Variants in ADAM12 observed in about 807,000 individuals in gnomAD.
The protein encoded by ADAM12 is ADAM metallopeptidase domain 12.
Under a neutral mutation model 106.4 loss-of-function variants are expected in ADAM12, and 70 were observed. That is an observed-to-expected ratio of 0.66 (90% CI 0.54 to 0.80). The LOEUF (loss-of-function observed/expected upper bound fraction) is 0.80. ADAM12 is among the 30% of genes least tolerant of loss of function. The pLI is 0.00. For synonymous variants in ADAM12, 420 were observed against 433.5 expected (o/e 0.97, Z 0.39); for missense variants, 1,010 against 1,171.9 (o/e 0.86, Z 2.02).
At chr10:126,114,503 G>A (rs747547218) in intron 6 of ADAM12, among the ~76,000 whole-genome samples, 19 of 152,124 alleles carry the variant, frequency 1.2e-4, no homozygotes, top group Admixed American at 8.5e-4. Context: ...GTTTTGAGAC[G>A]AGTTTCACTC....
At chr10:126,379,547 G>A (rs1243397685) in intron 1 of ADAM12, among the ~76,000 whole-genome samples, 2 of 152,142 alleles carry the variant, frequency 1.3e-5, no homozygotes, top group Middle Eastern at 3.4e-3. Context: ...CTGTCAGGGG[G>A]ATGGGGAGCT....
chr10:126,368,606 A>G (rs1263292982), intron 1 of ADAM12, among the ~76,000 whole-genome samples: 1 of 152,036 alleles, frequency 6.6e-6, no homozygotes, highest in Non-Finnish European at 1.5e-5. Context: ...GCATAAAACA[A>G]AGTAAAACTT....
chr10:126,168,090 T>C (rs1565110531), intron 3 of ADAM12, among the ~76,000 whole-genome samples: 1 of 152,206 alleles, frequency 6.6e-6, no homozygotes, highest in East Asian at 1.9e-4. Flanking sequence ...ACCTAACTGA[T>C]TAACTGAACC....
At chr10:126,114,487 T>C (rs1169032448) in intron 6 of ADAM12, among the ~76,000 whole-genome samples, 2 of 152,140 alleles carry the variant, frequency 1.3e-5, no homozygotes, top group Non-Finnish European at 2.9e-5. Context: ...TTTTGTTTTG[T>C]TTTTTGTTTT....
intron 2 of ADAM12, 103 bp from the exon 3 acceptor site, chr10:126,279,091 C>T (rs17154652): frequency 0.25 from 204,977 of 824,736 alleles, 26,934 homozygotes; most frequent in South Asian, 0.32. Context: ...ATAAACGATG[C>T]GGTCAACCTA....
At chr10:126,158,053 G>T (rs1956851414) in intron 3 of ADAM12, among the ~76,000 whole-genome samples, 1 of 152,214 alleles carries the variant, frequency 6.6e-6, no homozygotes, top group South Asian at 2.1e-4. Flanking sequence ...ATGTTCCACA[G>T]CACAGTTCCA....
intron 5 of ADAM12, among the ~76,000 whole-genome samples, chr10:126,120,934 A>ATATATTACATATGTAATATAATATATAT (rs747935377): frequency 0.014 from 1,918 of 137,294 alleles, 36 homozygotes; most frequent in African/African-American, 0.036. Flanking sequence ...ATTATATATT[A>ATATATTACATATGTAATATAATATATAT]TATATTACAT....
chr10:126,299,954 T>A (rs1470252782), intron 2 of ADAM12, among the ~76,000 whole-genome samples: 1 of 152,188 alleles, frequency 6.6e-6, no homozygotes, highest in Non-Finnish European at 1.5e-5. Flanking sequence ...CCACTCAACT[T>A]TTTTTCTCTG....
At chr10:126,158,246 C>T (rs180677924) in intron 3 of ADAM12, among the ~76,000 whole-genome samples, 19 of 97,610 alleles carry the variant, frequency 1.9e-4, no homozygotes, top group Admixed American at 4.1e-4. Context: ...GCACACAGCA[C>T]GGGAGAAAGC....
intron 1 of ADAM12, among the ~76,000 whole-genome samples, chr10:126,364,540 TC>T (rs1205566930): frequency 6.6e-6 from 1 of 152,032 alleles, no homozygotes; most frequent in Non-Finnish European, 1.5e-5. Flanking sequence ...GAAAATTGGA[TC>T]CCATTTATAA....
chr10:126,036,420 T>TGAAG, intron 20 of ADAM12, 95 bp from the exon 21 acceptor site: 1 of 1,279,116 alleles, frequency 7.8e-7, no homozygotes, highest in Non-Finnish European at 1.1e-6. Context: ...CTGTTATAGC[T>TGAAG]GAAGGCCAAG....
chr10:126,051,588 T>TCCATCCAGCCAGCCAGCCAGCCAGCCAG (rs1281562847), intron 14 of ADAM12, among the ~76,000 whole-genome samples: 7 of 124,314 alleles, frequency 5.6e-5, no homozygotes, highest in Non-Finnish European at 8.5e-5. Flanking sequence ...CATCCATCCA[T>TCCATCCAGCCAGCCAGCCAGCCAGCCAG]CCAGCCAGCC....
intron 2 of ADAM12, among the ~76,000 whole-genome samples, chr10:126,323,577 A>G (rs1254042139): frequency 1.3e-5 from 2 of 152,212 alleles, no homozygotes; most frequent in Non-Finnish European, 2.9e-5. Context: ...GTCAACAAGC[A>G]TCCTGCAATC....
At chr10:126,239,126 C>T (rs1958474236) in intron 3 of ADAM12, among the ~76,000 whole-genome samples, 1 of 152,112 alleles carries the variant, frequency 6.6e-6, no homozygotes, top group Admixed American at 6.5e-5. Context: ...AAGGGAGAAC[C>T]ACTTCCAGCA....
intron 1 of ADAM12, among the ~76,000 whole-genome samples, chr10:126,343,492 T>C (rs141256787): frequency 1.3e-3 from 197 of 152,358 alleles, no homozygotes; most frequent in African/African-American, 4.3e-3. Context: ...TAAACATACA[T>C]ATGCATGTAT....
intron 3 of ADAM12, among the ~76,000 whole-genome samples, chr10:126,274,431 C>T (rs1268741854): frequency 6.6e-6 from 1 of 152,186 alleles, no homozygotes; most frequent in Non-Finnish European, 1.5e-5. Flanking sequence ...GTCTCATTCA[C>T]AAGAACTACT....
intron 4 of ADAM12, among the ~76,000 whole-genome samples, chr10:126,149,535 T>A (rs1956691189): frequency 6.6e-6 from 1 of 152,154 alleles, no homozygotes; most frequent in Non-Finnish European, 1.5e-5. Flanking sequence ...GAGATTAACA[T>A]TTGAGTCAGT....
chr10:126,135,731 C>T, intron 4 of ADAM12, 71 bp from the exon 5 acceptor site: 1 of 1,313,174 alleles, frequency 7.6e-7, no homozygotes, highest in Non-Finnish European at 1.1e-6. Context: ...AAATCAACTG[C>T]CTCTTGTTTT....
At chr10:126,381,397 G>GT (rs1457797642) in intron 1 of ADAM12, among the ~76,000 whole-genome samples, 1 of 127,200 alleles carries the variant, frequency 7.9e-6, no homozygotes, top group Admixed American at 9.3e-5. Context: ...CAACACTTTT[G>GT]GGGGGCTGCG....
Sources: gnomAD v4.1 joint callset for allele counts (sites outside exome capture counted in the v4.1 genomes callset) on GRCh38, gnomAD v4.1.1 for gene constraint, MANE v1.5 for transcripts, NCBI Gene and HGNC (gene_info 2026-07-23, HGNC 2026-07-21) for gene names.